The following PTCHD4 variants were observed in gnomAD, a reference collection of about 807,000 sequenced individuals.
PTCHD4 encodes patched domain-containing protein 4.
PTCHD4 carries 33 observed loss-of-function variants against 58.1 expected under a neutral mutation model. That is an observed-to-expected ratio of 0.57 (90% CI 0.43 to 0.76). PTCHD4 has a LOEUF of 0.76. Among genes scored for constraint, PTCHD4 ranks in the 30% least tolerant of loss-of-function variants. The probability of loss-of-function intolerance (pLI) is 0.00; values close to 1 mark genes in which losing one functional copy is unlikely to be tolerated. For missense variants in PTCHD4, 1,058 were observed against 1,027.1 expected, an observed-to-expected ratio of 1.03 and a Z score of -0.41; for synonymous variants, 478 against 409.6, an observed-to-expected ratio of 1.17 and a Z score of -2.02.
At chr6:47,977,569 A>C (rs1430443726) in intron 4 of PTCHD4, among the ~76,000 whole-genome samples, 1 of 152,182 alleles carries the variant, frequency 6.6e-6, no homozygotes, top group Non-Finnish European at 1.5e-5. Flanking sequence ...GCCTTGTGAG[A>C]GATCCTGAAA....
At chr6:47,939,374 T>C (rs1299990269) in intron 4 of PTCHD4, among the ~76,000 whole-genome samples, 1 of 152,016 alleles carries the variant, frequency 6.6e-6, no homozygotes, top group Non-Finnish European at 1.5e-5. Context: ...GGCCTACAGG[T>C]ACATTAAAGT....
chr6:47,965,592 C>T (rs570219342), intron 4 of PTCHD4, among the ~76,000 whole-genome samples: 2 of 152,240 alleles, frequency 1.3e-5, no homozygotes, highest in South Asian at 2.1e-4. Flanking sequence ...AGTAATAATA[C>T]TAATTTAAAT....
intron 4 of PTCHD4, among the ~76,000 whole-genome samples, chr6:47,909,426 T>C (rs1054887053): frequency 6.6e-6 from 1 of 152,150 alleles, no homozygotes; most frequent in African/African-American, 2.4e-5. Context: ...ATTTTCTTAA[T>C]ATATTTAAAT....
intron 1 of PTCHD4, among the ~76,000 whole-genome samples, chr6:48,082,816 A>G (rs568372320): frequency 2.0e-5 from 3 of 152,196 alleles, no homozygotes; most frequent in African/African-American, 4.8e-5. Context: ...AAAACACTGA[A>G]ATGTATATAA....
intron 4 of PTCHD4, among the ~76,000 whole-genome samples, chr6:47,994,863 T>C (rs926991731): frequency 2.0e-5 from 3 of 152,146 alleles, no homozygotes; most frequent in Non-Finnish European, 4.4e-5. Context: ...GCTTCTGCTT[T>C]AGGATTTTCA....
intron 4 of PTCHD4, among the ~76,000 whole-genome samples, chr6:47,951,647 G>A (rs1002255948): frequency 3.3e-5 from 5 of 152,002 alleles, no homozygotes; most frequent in African/African-American, 9.7e-5. Context: ...ATTTGTTTTG[G>A]TTCCTAAATA....
intron 4 of PTCHD4, among the ~76,000 whole-genome samples, chr6:47,908,667 C>T (rs1363826479): frequency 6.6e-6 from 1 of 152,090 alleles, no homozygotes; most frequent in Non-Finnish European, 1.5e-5. Context: ...ATCGAGACCT[C>T]GTCATGGTTT....
chr6:47,918,273 C>T (rs1765321763), intron 4 of PTCHD4, among the ~76,000 whole-genome samples: 1 of 152,016 alleles, frequency 6.6e-6, no homozygotes, highest in African/African-American at 2.4e-5. Flanking sequence ...ATGCTATTGG[C>T]ATAGTTAATG....
chr6:48,086,043 C>G (rs76020535), intron 1 of PTCHD4, among the ~76,000 whole-genome samples: 24,262 of 151,632 alleles, frequency 0.16, 2,463 homozygotes, highest in Non-Finnish European at 0.22. Context: ...AAAAGTGGTA[C>G]AGCAATATTC....
At chr6:47,988,083 A>T (rs972094707) in intron 4 of PTCHD4, among the ~76,000 whole-genome samples, 3 of 152,160 alleles carry the variant, frequency 2.0e-5, no homozygotes, top group South Asian at 2.1e-4. Context: ...GACCCCAGTC[A>T]CATAACATTT....
At chr6:48,073,552 A>G (rs1765012687) in intron 1 of PTCHD4, among the ~76,000 whole-genome samples, 2 of 152,232 alleles carry the variant, frequency 1.3e-5, no homozygotes, top group South Asian at 4.1e-4. Context: ...TCCAAAGCTC[A>G]GTGGAATAAA....
intron 4 of PTCHD4, among the ~76,000 whole-genome samples, chr6:47,988,084 C>T (rs1196251604): frequency 6.6e-6 from 1 of 151,994 alleles, no homozygotes; most frequent in Non-Finnish European, 1.5e-5. Context: ...ACCCCAGTCA[C>T]ATAACATTTT....
intron 1 of PTCHD4, among the ~76,000 whole-genome samples, chr6:48,091,992 T>TAC (rs1021104279): frequency 6.2e-5 from 9 of 145,928 alleles, no homozygotes; most frequent in African/African-American, 1.5e-4. Flanking sequence ...CACATACACA[T>TAC]ACACACACAC....
At chr6:48,023,740 A>G (rs1246220058) in intron 3 of PTCHD4, among the ~76,000 whole-genome samples, 1 of 152,144 alleles carries the variant, frequency 6.6e-6, no homozygotes, top group African/African-American at 2.4e-5. Context: ...TTTTTTCTTC[A>G]CAAATAACTA....
chr6:48,105,895 A>G (rs1360349775), intron 1 of PTCHD4, among the ~76,000 whole-genome samples: 4 of 152,178 alleles, frequency 2.6e-5, no homozygotes, highest in African/African-American at 9.7e-5. Context: ...CCAAGACTAA[A>G]CCAGGAAGAA....
At chr6:48,055,509 G>A (rs1272289078) in intron 3 of PTCHD4, among the ~76,000 whole-genome samples, 1 of 152,096 alleles carries the variant, frequency 6.6e-6, no homozygotes, top group African/African-American at 2.4e-5. Flanking sequence ...CACTGCTTTG[G>A]AAGAGATACT....
At chr6:47,920,598 C>A (rs1046921441) in intron 4 of PTCHD4, among the ~76,000 whole-genome samples, 1 of 152,130 alleles carries the variant, frequency 6.6e-6, no homozygotes, top group African/African-American at 2.4e-5. Flanking sequence ...CATTCACAAT[C>A]CTGCCCACAG....
Position 47,857,721 on chromosome 6 carries a change from G to A in PTCHD4, c.*20582C>T, listed in dbSNP as rs1240402286. Among the ~76,000 whole-genome samples, 5 of 151,782 alleles carry A rather than the reference G, an allele frequency of 3.3e-5. No homozygotes were observed. The highest frequency in any genetic ancestry group is 7.4e-5 in the Non-Finnish European group (5 of 67,918). ...TTAATAGACTACTTATTTTCATTTG[G>A]GGAACAGGAATGAAAACATTGTGAA... On this transcript the variant is annotated 3_prime_UTR_variant, in exon 5 of 5. Transcript: ENST00000339488.
At chr6:47,938,024 G>A (rs553904266) in intron 4 of PTCHD4, among the ~76,000 whole-genome samples, 7 of 152,032 alleles carry the variant, frequency 4.6e-5, no homozygotes, top group South Asian at 2.1e-4. Context: ...ATGGTGGCAC[G>A]CACCTGTAGT....
Sources: gnomAD v4.1 joint callset for allele counts (sites outside exome capture counted in the v4.1 genomes callset) on GRCh38, gnomAD v4.1.1 for gene constraint, MANE v1.5 for transcripts, NCBI Gene and HGNC (gene_info 2026-07-23, HGNC 2026-07-21) for gene names.